The following PDE5A variants were observed in gnomAD, a reference collection of about 807,000 sequenced individuals.
PDE5A encodes cGMP-specific 3',5'-cyclic phosphodiesterase.
A neutral mutation model predicts 110.2 loss-of-function variants in PDE5A; 67 were observed. The ratio of observed to expected loss-of-function variants is 0.61; its 90% CI spans 0.50 to 0.75. The LOEUF (loss-of-function observed/expected upper bound fraction) is 0.75. PDE5A is among the 30% of genes least tolerant of loss of function. PDE5A has a pLI of 0.00. For missense variants in PDE5A, 862 were observed against 1,045.1 expected, an observed-to-expected ratio of 0.82 and a Z score of 2.42; for synonymous variants, 328 against 351.2, an observed-to-expected ratio of 0.93 and a Z score of 0.74.
intron 1 of PDE5A, among the ~76,000 whole-genome samples, chr4:119,610,500 G>A (rs1194570145): frequency 6.6e-6 from 1 of 151,828 alleles, no homozygotes; most frequent in African/African-American, 2.4e-5. Context: ...ACGGGAAATG[G>A]AGATCTCCTT....
chr4:119,568,825 G>C (rs1320184475), intron 3 of PDE5A, among the ~76,000 whole-genome samples: 1 of 152,058 alleles, frequency 6.6e-6, no homozygotes, highest in African/African-American at 2.4e-5. Context: ...AGTACAAAAA[G>C]TATACATTGA....
chr4:119,501,314 A>C, intron 19 of PDE5A, 61 bp from the exon 20 acceptor site: 2 of 1,041,750 alleles, frequency 1.9e-6, no homozygotes, highest in Non-Finnish European at 3.0e-6. Context: ...GTTAGTTATT[A>C]CTTTATTATT....
intron 9 of PDE5A, among the ~76,000 whole-genome samples, chr4:119,545,768 A>AG (rs977739171): frequency 5.6e-4 from 85 of 152,290 alleles, no homozygotes; most frequent in African/African-American, 1.9e-3. Flanking sequence ...TTGGCAGAAC[A>AG]GGGGGTCAAT....
rs79298670 is a variant in PDE5A at position 119,553,357 on chromosome 4, C to T, written c.1308+281G>A. Among the ~76,000 whole-genome samples the T allele has an allele frequency of 1.6e-4, 24 of 151,900 alleles. No individual in the cohort carries two copies. In the East Asian group the frequency reaches 4.7e-3, roughly 29 times the overall value. The stretch of plus-strand genomic sequence containing the variant: ...TCTAGCAATATTATCTAAGGAATGT[C>T]ATTGACATTATGTAGGTAATAGCTA... On this transcript the variant is annotated intron_variant, in intron 8 of 20. Coordinates refer to ENST00000354960, the MANE Select transcript of PDE5A (RefSeq NM_001083.4).
intron 1 of PDE5A, among the ~76,000 whole-genome samples, chr4:119,611,798 A>T (rs1471980534): frequency 1.3e-5 from 2 of 151,978 alleles, no homozygotes; most frequent in African/African-American, 4.8e-5. Context: ...TGATTATCTG[A>T]GTCCCTGTAA....
rs989190199 is a variant in PDE5A, at chr4:119,559,830, C to T, written c.1199+466G>A. On this transcript the variant is annotated intron_variant, in intron 7 of 20. Transcript: ENST00000354960. Reference sequence around the variant, plus strand: ...CAATTCAATTATGACCATGTGAACCCCAAATTCCAGGACATCAGAAAACTC... The same window carrying T: ...CAATTCAATTATGACCATGTGAACCTCAAATTCCAGGACATCAGAAAACTC... Among the ~76,000 whole-genome samples, 4 of 152,150 alleles carry T rather than the reference C, an allele frequency of 2.6e-5. No homozygotes were observed. The South Asian group carries it at 8.3e-4, about 32-fold the overall frequency.
At chr4:119,599,977 A>T (rs766056600) in intron 2 of PDE5A, among the ~76,000 whole-genome samples, 1 of 152,136 alleles carries the variant, frequency 6.6e-6, no homozygotes, top group African/African-American at 2.4e-5. Context: ...ATTGAAAGAA[A>T]ACTACTATCA....
In PDE5A at chr4:119,565,393, C is replaced by G. The variant is rs1195007733; in HGVS notation, c.921G>C (p.Leu307Phe). The change falls in exon 5 of 21, where the codon TTG becomes TTC. Residue 307 changes from leucine (L) to phenylalanine (F), a missense_variant. By Grantham distance (22) the Leu-to-Phe change is conservative. Transcript: ENST00000354960. ...TATGAAGAACAATACCACAAAATGCCAAATAAGCAGCAAAGTCCTAAAAAA... is the reference window on the plus strand; with the variant it reads ...TATGAAGAACAATACCACAAAATGCGAAATAAGCAGCAAAGTCCTAAAAAA... Reference protein sequence around the residue: ...EKDEKDFAAYLAFCGIVLHNA... With the variant: ...EKDEKDFAAYFAFCGIVLHNA... 6.2e-7 allele frequency: 1 copy of G among 1,610,894 alleles called. No individual in the cohort carries two copies. The highest frequency in any genetic ancestry group is 8.5e-7 in the Non-Finnish European group (1 of 1,177,928).
intron 3 of PDE5A, among the ~76,000 whole-genome samples, chr4:119,588,378 T>C (rs891568833): frequency 1.3e-5 from 2 of 151,984 alleles, no homozygotes; most frequent in African/African-American, 2.4e-5. Context: ...GGTTTCACCA[T>C]GTTGGCCAGG....
intron 3 of PDE5A, among the ~76,000 whole-genome samples, chr4:119,571,642 C>T (rs2110512956): frequency 6.6e-6 from 1 of 152,316 alleles, no homozygotes; most frequent in South Asian, 2.1e-4. Flanking sequence ...TCAAATAATA[C>T]ATGTGTGCTA....
Position 119,628,574 on chromosome 4 carries a change from C to T in PDE5A, c.98G>A (p.Trp33Ter). The change falls in exon 1 of 21, where the codon TGG becomes TAG. Residue 33 changes from tryptophan (W) to a stop codon, truncating the protein, a stop_gained. Transcript: ENST00000354960. LOFTEE classifies it high-confidence loss of function. ...GGTAAAGTCCCAGTGATCGTCCAGC[C>T]ATGCTTCGACCGAGTCCTGATCCCT... ...QQRDQDSVEA[W>*]LDDHWDFTFS... is the part of the protein sequence containing the mutation. The T allele has an allele frequency of 6.2e-7, 1 of 1,611,420 alleles. No individual in the cohort carries two copies. The highest frequency in any genetic ancestry group is 1.7e-5 in the Admixed American group (1 of 59,814).
intron 1 of PDE5A, among the ~76,000 whole-genome samples, chr4:119,624,521 A>G (rs1730270108): frequency 6.6e-6 from 1 of 152,188 alleles, no homozygotes. Flanking sequence ...GGGAGTGTAA[A>G]ACGTCTGTTT....
At chr4:119,542,717 G>C in intron 9 of PDE5A, 83 bp from the exon 10 acceptor site, 2 of 1,232,886 alleles carry the variant, frequency 1.6e-6, no homozygotes, top group Non-Finnish European at 2.3e-6. Flanking sequence ...CCCAAAGATT[G>C]TCTTACACTT....
chr4:119,523,812 A>G (rs1479497637), intron 12 of PDE5A, among the ~76,000 whole-genome samples: 1 of 152,050 alleles, frequency 6.6e-6, no homozygotes, highest in Non-Finnish European at 1.5e-5. Flanking sequence ...CTTTCAACAG[A>G]ATCATTATTA....
At chr4:119,588,362 G>T (rs546885868) in intron 3 of PDE5A, among the ~76,000 whole-genome samples, 29 of 151,770 alleles carry the variant, frequency 1.9e-4, no homozygotes, top group African/African-American at 6.8e-4. Flanking sequence ...ATTTTTCGTA[G>T]AGACAGGTTT....
At chr4:119,590,617 T>C (rs563117152) in intron 3 of PDE5A, among the ~76,000 whole-genome samples, 2 of 152,332 alleles carry the variant, frequency 1.3e-5, no homozygotes, top group South Asian at 2.1e-4. Flanking sequence ...GTAATATCTA[T>C]GATCCTTACT....
At chr4:119,564,942 T>C (rs1727872709) in intron 5 of PDE5A, among the ~76,000 whole-genome samples, 1 of 152,076 alleles carries the variant, frequency 6.6e-6, no homozygotes, top group Non-Finnish European at 1.5e-5. Flanking sequence ...AAGACACCTG[T>C]CTTACAAAGT....
rs1727797988 is a variant in PDE5A at position 119,562,970 on chromosome 4, C to G, written c.994G>C (p.Val332Leu). 1.3e-6 allele frequency: 2 copies of G among 1,558,870 alleles called. No homozygotes were observed. Among genetic ancestry groups the G allele is most frequent in the Non-Finnish European group, 1.7e-6 (2 of 1,160,876 alleles). Residue 332 changes from valine (V) to leucine (L), a missense_variant and splice_region_variant, in exon 6 of 21, where the codon GTG becomes CTG. Transcript: ENST00000354960. ...TSLLENKRNQ[V>L]LLDLASLIFE... ...ATTAAACTAGCAAGGTCAAGCAGCA[C>G]CTAGACAAAAAAATTAGGAGCTCAT... is the stretch of plus-strand genomic sequence containing the variant.
rs1726998200 is a variant in PDE5A, at chr4:119,543,041, A to ACACAC, written c.1397-408_1397-407insGTGTG. Reference sequence around the variant, plus strand: ...TTCCTTACTGAGAAACCAGAAGTTAAACATACACACACACACACACACACA... The same window carrying ACACAC: ...TTCCTTACTGAGAAACCAGAAGTTAACACACACATACACACACACACACACACACA... On this transcript the variant is annotated intron_variant, in intron 9 of 20. Coordinates refer to ENST00000354960, the MANE Select transcript of PDE5A (RefSeq NM_001083.4). 2.9e-4 allele frequency: 9 copies of ACACAC among 30,926 alleles called. No homozygotes were observed. In the Admixed American group the frequency reaches 3.2e-3, roughly 11 times the overall value. The allele number at this position is 30,926 out of a possible 1,614,324, so 1.9% of individuals were successfully genotyped here. A position where few individuals can be genotyped will look rare whatever the true frequency, so the allele number is the denominator to read the frequency against.
Sources: allele counts gnomAD v4.1 joint callset (sites outside exome capture counted in the v4.1 genomes callset), GRCh38; gene constraint gnomAD v4.1.1; transcripts MANE v1.5; gene names NCBI Gene and HGNC (gene_info 2026-07-23, HGNC 2026-07-21).